MAGI2: variants seen among roughly 807,000 people sequenced by gnomAD.
MAGI2 encodes the protein membrane associated guanylate kinase, WW and PDZ domain containing 2.
A neutral mutation model predicts 133.3 loss-of-function variants in MAGI2; 35 were observed. That is an observed-to-expected ratio of 0.26 (90% CI 0.20 to 0.35). The LOEUF (loss-of-function observed/expected upper bound fraction) is 0.35, where lower values mean the gene tolerates loss of function less well. Among genes scored for constraint, MAGI2 ranks in the 10% least tolerant of loss-of-function variants. MAGI2 has a pLI of 1.00. For missense variants in MAGI2, 1,636 were observed against 1,863.4 expected, an observed-to-expected ratio of 0.88 and a Z score of 2.25; for synonymous variants, 729 against 710.6, an observed-to-expected ratio of 1.03 and a Z score of -0.41.
chr7:78,390,495 A>G (rs1562931693), intron 6 of MAGI2, among the ~76,000 whole-genome samples: 1 of 152,128 alleles, frequency 6.6e-6, no homozygotes, highest in Non-Finnish European at 1.5e-5. Flanking sequence ...TCCATCGTAT[A>G]GTTCTCTGAA....
intron 1 of MAGI2, among the ~76,000 whole-genome samples, chr7:79,381,163 C>T (rs962668696): frequency 4.0e-5 from 6 of 148,352 alleles, no homozygotes; most frequent in African/African-American, 1.5e-4. Context: ...CTGTAATCTT[C>T]TGGCAGTTAA....
intron 1 of MAGI2, among the ~76,000 whole-genome samples, chr7:79,008,065 T>C (rs1394643724): frequency 6.6e-6 from 1 of 152,098 alleles, no homozygotes; most frequent in East Asian, 1.9e-4. Context: ...TTAAAACCTT[T>C]CCTATTTCCA....
chr7:78,051,495 A>T (rs1388458245), intron 21 of MAGI2, among the ~76,000 whole-genome samples: 1 of 152,136 alleles, frequency 6.6e-6, no homozygotes, highest in Non-Finnish European at 1.5e-5. Flanking sequence ...CTTGTGTTAG[A>T]GCTTGAGGAG....
At chr7:78,171,273 T>C (rs957231300) in intron 14 of MAGI2, among the ~76,000 whole-genome samples, 1 of 152,248 alleles carries the variant, frequency 6.6e-6, no homozygotes, top group African/African-American at 2.4e-5. Context: ...TAACTCATAT[T>C]GGTTTCCCAA....
chr7:78,922,190 CT>C lies in MAGI2; in HGVS notation c.418+84899del, dbSNP rs1348562304. Reference sequence around the variant, plus strand: ...TTTTTTTTTTGGCATCAGATTATTTCTTTTTTTTATTATTATTATACTTTAA... The same window carrying C: ...TTTTTTTTTTGGCATCAGATTATTTCTTTTTTTATTATTATTATACTTTAA... On this transcript the variant is annotated intron_variant, in intron 2 of 21. Transcript: ENST00000354212. Among the ~76,000 whole-genome samples the C allele has an allele frequency of 7.1e-5, 10 of 140,256 alleles. No individual in the cohort carries two copies. The South Asian group carries it at 9.0e-4, about 13-fold the overall frequency. 92.0% of individuals were successfully genotyped at this position (140,256 alleles called of 152,430 possible).
intron 11 of MAGI2, 47 bp from the exon 12 acceptor site, chr7:78,195,110 G>T: frequency 2.0e-6 from 3 of 1,485,574 alleles, no homozygotes; most frequent in East Asian, 2.4e-5. Context: ...AATTCTTCCT[G>T]GCTATTTCTC....
intron 2 of MAGI2, among the ~76,000 whole-genome samples, chr7:78,646,488 C>G (rs542082288): frequency 2.0e-5 from 3 of 152,236 alleles, no homozygotes; most frequent in African/African-American, 7.2e-5. Flanking sequence ...TCTCTCCTAC[C>G]AGTGAAACAT....
Position 78,626,826 on chromosome 7 carries a change from ATGTGTG to A in MAGI2, c.538+288_538+293del, listed in dbSNP as rs71085549. 0.16 allele frequency among the ~76,000 whole-genome samples: 23,696 copies of A among 148,268 alleles called. 2,294 individuals are homozygous for A. The highest frequency in any genetic ancestry group is 0.26 in the African/African-American group (10,627 of 40,280). The stretch of plus-strand genomic sequence containing the variant: ...AGGAGACAAGCACAAGAATACTTCA[ATGTGTG>A]TGTGTGTGTGTGTGTGTGTGTGTGT... On this transcript the variant is annotated intron_variant, in intron 3 of 21. Coordinates refer to ENST00000354212, the MANE Select transcript of MAGI2 (RefSeq NM_012301.4).
intron 21 of MAGI2, among the ~76,000 whole-genome samples, chr7:78,030,147 T>C (rs1176773218): frequency 6.6e-6 from 1 of 152,186 alleles, no homozygotes. Context: ...ATTTCTCACC[T>C]GTAAAATGGA....
Position 78,758,894 on chromosome 7 carries a change from A to G in MAGI2, c.419-131655T>C, listed in dbSNP as rs1159041270. ...GATTTATTCTTTCCCATATATTCGC[A>G]TTACTCTGGTAGTTAATCTGTCACA... On this transcript the variant is annotated intron_variant, in intron 2 of 21. Transcript: ENST00000354212. Among the ~76,000 whole-genome samples, 6 of 152,148 alleles carry G rather than the reference A, an allele frequency of 3.9e-5. No individual in the cohort carries two copies. In the East Asian group the frequency reaches 1.2e-3, roughly 29 times the overall value.
At chr7:78,973,636 C>G (rs1803977865) in intron 2 of MAGI2, among the ~76,000 whole-genome samples, 2 of 151,714 alleles carry the variant, frequency 1.3e-5, no homozygotes, top group East Asian at 3.9e-4. Context: ...TATTTCCTCC[C>G]TTTCTTTTCT....
At chr7:78,535,542 T>G (rs759496460) in intron 3 of MAGI2, among the ~76,000 whole-genome samples, 2 of 152,010 alleles carry the variant, frequency 1.3e-5, no homozygotes, top group African/African-American at 4.8e-5. Flanking sequence ...ATCATGACAA[T>G]GAAAGAGCTC....
rs552609947 is a variant in MAGI2, at chr7:78,921,087, T to C, written c.418+86003A>G. On this transcript the variant is annotated intron_variant, in intron 2 of 21. Coordinates refer to ENST00000354212, the MANE Select transcript of MAGI2 (RefSeq NM_012301.4). ...TCCTGAAGATGTTTAGGTTATGAAG[T>C]TGATTATAGCATGAAATCTTGGGTT... Among the ~76,000 whole-genome samples the C allele has an allele frequency of 2.0e-5, 3 of 151,926 alleles. No homozygotes were observed. In the East Asian group the frequency reaches 5.9e-4, roughly 30 times the overall value.
intron 2 of MAGI2, among the ~76,000 whole-genome samples, chr7:78,637,119 C>T (rs905981259): frequency 6.6e-6 from 1 of 152,202 alleles, no homozygotes; most frequent in Non-Finnish European, 1.5e-5. Flanking sequence ...GCATGCAGGT[C>T]ATGACTTTGG....
At chr7:78,350,675 G>T (rs1791409265) in intron 7 of MAGI2, 1 of 152,334 alleles carries the variant, frequency 6.6e-6, no homozygotes, top group African/African-American at 2.4e-5. Context: ...GCTGATTAGA[G>T]GCCATGCTGC....
At chr7:78,369,388 A>G (rs1001708853) in intron 6 of MAGI2, among the ~76,000 whole-genome samples, 175 bp from the exon 7 acceptor site, 3 of 152,132 alleles carry the variant, frequency 2.0e-5, no homozygotes, top group African/African-American at 7.2e-5. Flanking sequence ...CACTGACTTG[A>G]AAACTGGCAG....
At chr7:78,921,476 G>T (rs1799218245) in intron 2 of MAGI2, among the ~76,000 whole-genome samples, 1 of 152,118 alleles carries the variant, frequency 6.6e-6, no homozygotes, top group African/African-American at 2.4e-5. Context: ...TGTAGATTGT[G>T]ATATAAGTGG....
chr7:79,428,918 A>G (rs1847584117), intron 1 of MAGI2, among the ~76,000 whole-genome samples: 1 of 152,150 alleles, frequency 6.6e-6, no homozygotes, highest in Non-Finnish European at 1.5e-5. Flanking sequence ...TTTTTTAGAT[A>G]GCACTTTGGA....
chr7:79,126,116 T>C (rs566118198), intron 1 of MAGI2, among the ~76,000 whole-genome samples: 5 of 152,250 alleles, frequency 3.3e-5, no homozygotes, highest in African/African-American at 1.2e-4. Context: ...TGCAGTTGAT[T>C]GCTAAACATA....
Sources: gnomAD v4.1 joint callset for allele counts (sites outside exome capture counted in the v4.1 genomes callset) on GRCh38, gnomAD v4.1.1 for gene constraint, MANE v1.5 for transcripts, NCBI Gene and HGNC (gene_info 2026-07-23, HGNC 2026-07-21) for gene names.